Variants in CATSPERE observed in about 807,000 individuals in gnomAD.
CATSPERE encodes catsper channel auxiliary subunit epsilon, also known as cation channel sperm-associated auxiliary subunit epsilon.
CATSPERE carries 93 observed loss-of-function variants against 114.1 expected under a neutral mutation model. The ratio of observed to expected loss-of-function variants is 0.81; its 90% confidence interval spans 0.69 to 0.97. The LOEUF (loss-of-function observed/expected upper bound fraction) is 0.97. CATSPERE is among the 50% of genes least tolerant of loss of function. CATSPERE has a pLI of 0.00. For missense variants in CATSPERE, 1,058 were observed against 1,131.6 expected (o/e 0.93, Z 0.93); for synonymous variants, 341 against 384.1 (o/e 0.89, Z 1.31).
At chr1:244,460,326 G>A (rs142656823), upstream of CATSPERE, among the ~76,000 whole-genome samples, 386 of 152,264 alleles carry the variant, frequency 2.5e-3, 1 homozygote, top group Non-Finnish European at 4.3e-3. Flanking sequence ...ATCGGTGCTC[G>A]AGAGATTTTA....
intron 20 of CATSPERE, among the ~76,000 whole-genome samples, chr1:244,625,656 T>C (rs1370090435): frequency 6.6e-6 from 1 of 150,810 alleles, no homozygotes; most frequent in East Asian, 1.9e-4. Context: ...CTCGATCTCT[T>C]GACCTTGTGA....
chr1:244,579,051 A>G (rs1665772373), intron 11 of CATSPERE, among the ~76,000 whole-genome samples: 3 of 151,930 alleles, frequency 2.0e-5, no homozygotes, highest in Admixed American at 2.0e-4. Context: ...TATTGCACTA[A>G]ACATGATAAA....
intron 20 of CATSPERE, among the ~76,000 whole-genome samples, chr1:244,622,604 A>G (rs1672547516): frequency 6.6e-6 from 1 of 152,014 alleles, no homozygotes; most frequent in Admixed American, 6.6e-5. Flanking sequence ...GGGTTTCGCC[A>G]TGTTGGCCAG....
At chr1:244,464,282 T>C (rs1466048730) in intron 2 of CATSPERE, among the ~76,000 whole-genome samples, 1 of 152,246 alleles carries the variant, frequency 6.6e-6, no homozygotes, top group Admixed American at 6.5e-5. Flanking sequence ...AGGTATAAAT[T>C]AGAACTGTCT....
chr1:244,578,879 A>AT (rs1009243826), intron 11 of CATSPERE, among the ~76,000 whole-genome samples: 2 of 145,322 alleles, frequency 1.4e-5, no homozygotes, highest in East Asian at 2.0e-4. Flanking sequence ...TCATTTCAAC[A>AT]TTTTTTTTCA....
intron 9 of CATSPERE, among the ~76,000 whole-genome samples, 170 bp from the exon 10 acceptor site, chr1:244,560,498 C>G (rs977554431): frequency 1.3e-5 from 2 of 151,932 alleles, no homozygotes; most frequent in Non-Finnish European, 2.9e-5. Context: ...ACCAGAATCT[C>G]AGAAACCACC....
At chr1:244,480,328 C>T (rs1451674383) in intron 5 of CATSPERE, among the ~76,000 whole-genome samples, 1 of 152,072 alleles carries the variant, frequency 6.6e-6, no homozygotes, top group Non-Finnish European at 1.5e-5. Context: ...ATCAGTGATT[C>T]GGAATATGCT....
At chr1:244,588,663 C>T (rs1415055985) in intron 14 of CATSPERE, 129 bp downstream of exon 14, 43 of 718,834 alleles carry the variant, frequency 6.0e-5, no homozygotes, top group African/African-American at 8.7e-5. Flanking sequence ...ACTGAATTGA[C>T]GTTCATGCCT....
At chr1:244,510,258 ATATGTTGTGTTTC>A (rs1675484542) in intron 7 of CATSPERE, among the ~76,000 whole-genome samples, 1 of 151,990 alleles carries the variant, frequency 6.6e-6, no homozygotes, top group African/African-American at 2.4e-5. Context: ...ATAGATTTTG[ATATGTTGTGTTTC>A]TATCTTCATT....
At chr1:244,515,418 T>C (rs1199536015) in intron 7 of CATSPERE, 3 of 666,820 alleles carry the variant, frequency 4.5e-6, no homozygotes, top group Non-Finnish European at 5.6e-6. Context: ...TTTGAACATA[T>C]TGGTTTGAAG....
At position 244,607,787 on chromosome 1, in the gene CATSPERE, G is replaced by A. The variant is rs1369882517; in HGVS notation, c.2403+1993G>A. On this transcript the variant is annotated intron_variant, in intron 18 of 21. Transcript: ENST00000366534. The surrounding 1 kb of genome is among the most constrained non-coding windows in gnomAD (Gnocchi z 4.4). ...AGGCACCGTCAGAACCATCTAACCA[G>A]GGACATCTGCACTGGGCTATATGTG... Among the ~76,000 whole-genome samples, 1 of 152,178 alleles carries A rather than the reference G, an allele frequency of 6.6e-6. No individual in the cohort carries two copies. Among genetic ancestry groups the A allele is most frequent in the African/African-American group, 2.4e-5 (1 of 41,444 alleles).
chr1:244,475,579 C>T (rs1181874310), intron 2 of CATSPERE, among the ~76,000 whole-genome samples: 3 of 147,610 alleles, frequency 2.0e-5, no homozygotes, highest in Non-Finnish European at 3.0e-5. Context: ...ACTCCGTCGC[C>T]AGGCTAGAGT....
Position 244,489,200 on chromosome 1 carries a change from G to A in CATSPERE, c.327-1247G>A, listed in dbSNP as rs1218102675. Among the ~76,000 whole-genome samples, 6 of 152,276 alleles carry A rather than the reference G, an allele frequency of 3.9e-5. No homozygotes were observed. The South Asian group carries it at 1.0e-3, about 26-fold the overall frequency. ...GCTGGTCTCAAACTCCTGGGCTCAA[G>A]CAGTCCTCCTGCCTCGGGCTCCCAA... On this transcript the variant is annotated intron_variant, in intron 5 of 21. Coordinates refer to ENST00000366534, the MANE Select transcript of CATSPERE (RefSeq NM_001130957.2).
rs115399876 is a variant in CATSPERE, at chr1:244,474,331, T to A, written c.115-3210T>A. Among the ~76,000 whole-genome samples, 866 of 152,172 alleles carry A rather than the reference T, an allele frequency of 5.7e-3. 7 individuals are homozygous for A. The highest frequency in any genetic ancestry group is 0.02 in the African/African-American group (832 of 41,518). On this transcript the variant is annotated intron_variant, in intron 2 of 21. Transcript: ENST00000366534. Reference sequence around the variant, plus strand: ...ATAGGCGTGAGCCACCGCACTCAGTTTACTGCTTAACAACCAGGCAATGAT... The same window carrying A: ...ATAGGCGTGAGCCACCGCACTCAGTATACTGCTTAACAACCAGGCAATGAT...
At chr1:244,486,153 T>TA (rs925999822) in intron 5 of CATSPERE, among the ~76,000 whole-genome samples, 2 of 152,244 alleles carry the variant, frequency 1.3e-5, no homozygotes, top group African/African-American at 4.8e-5. Flanking sequence ...GAAATACTGT[T>TA]AAAGATATCA....
chr1:244,639,302 A>G (rs1675034807), intron 21 of CATSPERE, among the ~76,000 whole-genome samples: 1 of 151,542 alleles, frequency 6.6e-6, no homozygotes, highest in Non-Finnish European at 1.5e-5. Context: ...TCCTACTCCC[A>G]CTCATACTCA....
At chr1:244,520,417 G>T (rs1167513896) in intron 8 of CATSPERE, among the ~76,000 whole-genome samples, 1 of 151,986 alleles carries the variant, frequency 6.6e-6, no homozygotes, top group Non-Finnish European at 1.5e-5. Flanking sequence ...GAATTGTTTT[G>T]GAACTTTTGT....
chr1:244,633,523 C>T lies in CATSPERE; in HGVS notation c.2649-1966C>T, dbSNP rs924314890. ...TTACAAACTGCTATTGAATTAAATT[C>T]AAAAACAGTCATGACTCCTTTATAC... On this transcript the variant is annotated intron_variant, in intron 20 of 21. Coordinates refer to ENST00000366534, the MANE Select transcript of CATSPERE (RefSeq NM_001130957.2). This position sits in a 1 kb window ranked among gnomAD's most constrained non-coding sequence, Gnocchi z 4.1. Among the ~76,000 whole-genome samples, 1 of 152,062 alleles carries T rather than the reference C, an allele frequency of 6.6e-6. No homozygotes were observed. The highest frequency in any genetic ancestry group is 6.6e-5 in the Admixed American group (1 of 15,258).
chr1:244,526,332 C>T (rs2148398247), intron 8 of CATSPERE, among the ~76,000 whole-genome samples: 1 of 151,902 alleles, frequency 6.6e-6, no homozygotes, highest in Non-Finnish European at 1.5e-5. Flanking sequence ...ATGCCCAAGC[C>T]CAGGAGTTTG....
Sources: allele counts gnomAD v4.1 joint callset (sites outside exome capture counted in the v4.1 genomes callset), GRCh38; gene constraint gnomAD v4.1.1; non-coding constraint Gnocchi (gnomAD v3.1); transcripts MANE v1.5; gene names NCBI Gene and HGNC (gene_info 2026-07-23, HGNC 2026-07-21).